Variants in RGS6 observed in about 807,000 individuals in gnomAD.
The protein encoded by RGS6 is regulator of G protein signaling 6.
RGS6 carries 30 observed loss-of-function variants against 78.5 expected under a neutral mutation model. That is an observed-to-expected ratio of 0.38 (90% CI 0.29 to 0.52). The LOEUF is 0.52. Among genes scored for constraint, RGS6 ranks in the 20% least tolerant of loss-of-function variants. RGS6 has a pLI of 0.85. For synonymous variants in RGS6, 206 were observed against 206.0 expected, an observed-to-expected ratio of 1.00 and a Z score of 0.00; for missense variants, 495 against 609.7, an observed-to-expected ratio of 0.81 and a Z score of 1.98.
At chr14:71,946,703 G>A (rs1595038478) in intron 1 of RGS6, among the ~76,000 whole-genome samples, 2 of 152,212 alleles carry the variant, frequency 1.3e-5, no homozygotes, top group Admixed American at 1.3e-4. Context: ...ATGGGGCCAG[G>A]GGACAGAGAT....
In RGS6 at chr14:72,154,971, C is replaced by T. The variant is rs562635683; in HGVS notation, c.84+190096C>T. On this transcript the variant is annotated intron_variant, in intron 2 of 17. Coordinates refer to ENST00000553525, the MANE Select transcript of RGS6 (RefSeq NM_001204424.2). ...CATTTAGGAGCGGGCGGTAATGAAT[C>T]CCTGAGAGAATTCAGTCCTCCGTAT... Among the ~76,000 whole-genome samples the T allele has an allele frequency of 1.4e-4, 21 of 152,342 alleles. No individual in the cohort carries two copies. In the South Asian group the frequency reaches 3.9e-3, roughly 29 times the overall value.
chr14:72,126,283 C>G (rs1413068133), intron 2 of RGS6, among the ~76,000 whole-genome samples: 1 of 152,216 alleles, frequency 6.6e-6, no homozygotes, highest in Non-Finnish European at 1.5e-5. Flanking sequence ...ATTGGCCAAC[C>G]AGCTAGCAGG....
the RGS6 span, among the ~76,000 whole-genome samples, chr14:72,628,631 G>A: frequency 6.6e-6 from 1 of 151,820 alleles, no homozygotes; most frequent in African/African-American, 2.4e-5. Context: ...AAGTAGTCTT[G>A]CCAAAAGAGA....
rs1460336975 is a variant in RGS6, at chr14:72,454,668, A to G, written c.235+90A>G. 8 of 955,222 alleles carry G rather than the reference A, an allele frequency of 8.4e-6. No individual in the cohort carries two copies. The East Asian group carries it at 1.5e-4, about 18-fold the overall frequency. 59.2% of individuals were successfully genotyped at this position (955,222 alleles called of 1,614,324 possible). ...CAAACTAGATTCCCCTGCCCTCCTGAGAACTGGTCTTGTAAATGTGAATTC... is the reference window on the plus strand; with the variant it reads ...CAAACTAGATTCCCCTGCCCTCCTGGGAACTGGTCTTGTAAATGTGAATTC... On this transcript the variant is annotated intron_variant, in intron 4 of 17. Coordinates refer to ENST00000553525, the MANE Select transcript of RGS6 (RefSeq NM_001204424.2).
chr14:71,919,257 G>A, the RGS6 span, among the ~76,000 whole-genome samples: 5 of 152,130 alleles, frequency 3.3e-5, no homozygotes, highest in Admixed American at 6.6e-5. Flanking sequence ...GTAAGTGCCC[G>A]TGGGGGTGAG....
intron 2 of RGS6, among the ~76,000 whole-genome samples, chr14:72,047,495 G>A (rs2092937517): frequency 6.6e-6 from 1 of 152,138 alleles, no homozygotes; most frequent in South Asian, 2.1e-4. Flanking sequence ...TCATCATACA[G>A]ACATACTTTG....
At chr14:72,430,671 G>A (rs1353652028) in intron 3 of RGS6, among the ~76,000 whole-genome samples, 1 of 152,142 alleles carries the variant, frequency 6.6e-6, no homozygotes. Context: ...AGGCTTTTGG[G>A]TTTTGGTTTT....
chr14:71,990,247 G>A (rs931132296), intron 2 of RGS6, among the ~76,000 whole-genome samples: 1 of 152,162 alleles, frequency 6.6e-6, no homozygotes. Context: ...CACCACCACA[G>A]TGGGGAGCAA....
chr14:72,194,621 C>T (rs2039561814), intron 2 of RGS6, among the ~76,000 whole-genome samples: 1 of 152,144 alleles, frequency 6.6e-6, no homozygotes, highest in African/African-American at 2.4e-5. Context: ...CTTGGCCTTC[C>T]AAAGTGCTGG....
chr14:71,884,178 G>A, the RGS6 span, among the ~76,000 whole-genome samples: 4 of 152,000 alleles, frequency 2.6e-5, no homozygotes, highest in Admixed American at 6.6e-5. Flanking sequence ...TCCCAGTGTC[G>A]TTGTGTTGTT....
In RGS6 at chr14:71,932,949, T is replaced by C. The variant is rs2088068518; in HGVS notation, c.-21+8T>C. The C allele has an allele frequency of 6.6e-6, 1 of 152,286 alleles. No homozygotes were observed. 9.4% of individuals were successfully genotyped at this position (152,286 alleles called of 1,614,324 possible). A position where few individuals can be genotyped will look rare whatever the true frequency, so the allele number is the denominator to read the frequency against. On this transcript the variant is annotated splice_region_variant and intron_variant, in intron 1 of 17. Transcript: ENST00000553525. ...AATTCTTTGGTTGCTAAGGTAATTG[T>C]AGTTGTGATAAAAAATGGGCAAGAA... is the stretch of plus-strand genomic sequence containing the variant.
At chr14:72,539,131 TGAAAG>T (rs1398797002) in intron 16 of RGS6, among the ~76,000 whole-genome samples, 4 of 151,776 alleles carry the variant, frequency 2.6e-5, no homozygotes, top group Non-Finnish European at 5.9e-5. Context: ...AAATGTGGGG[TGAAAG>T]GAAAGTCAGG....
At chr14:72,604,577 G>A in the RGS6 span, among the ~76,000 whole-genome samples, 11 of 152,152 alleles carry the variant, frequency 7.2e-5, no homozygotes, top group Admixed American at 3.9e-4. Context: ...CACATGAGAC[G>A]GTGAGTTGTG....
chr14:72,592,249 A>C, the RGS6 span, among the ~76,000 whole-genome samples: 1 of 152,256 alleles, frequency 6.6e-6, no homozygotes, highest in African/African-American at 2.4e-5. Flanking sequence ...CCATTTGGAC[A>C]ACAGGCAGAG....
intron 2 of RGS6, among the ~76,000 whole-genome samples, chr14:72,123,265 T>G (rs961920227): frequency 6.6e-5 from 10 of 152,224 alleles, no homozygotes; most frequent in African/African-American, 2.2e-4. Flanking sequence ...AGTTCCTTTT[T>G]ATTGTAACAT....
chr14:71,908,362 C>T, the RGS6 span: 1 of 152,208 alleles, frequency 6.6e-6, no homozygotes, highest in East Asian at 1.9e-4. Context: ...CGAGAGTTTC[C>T]AATGTGGGAG....
intron 2 of RGS6, among the ~76,000 whole-genome samples, chr14:72,194,550 C>G (rs1264882113): frequency 6.6e-6 from 1 of 152,010 alleles, no homozygotes; most frequent in Non-Finnish European, 1.5e-5. Context: ...TTTGTAGAGA[C>G]AGGGTCTCAC....
chr14:71,958,055 T>G (rs2153025254), intron 1 of RGS6, among the ~76,000 whole-genome samples: 1 of 151,764 alleles, frequency 6.6e-6, no homozygotes, highest in South Asian at 2.1e-4. Flanking sequence ...GATAATTTAA[T>G]TAGTTTAGCC....
intron 7 of RGS6, among the ~76,000 whole-genome samples, chr14:72,468,006 G>T (rs2095968926): frequency 6.6e-6 from 1 of 152,130 alleles, no homozygotes; most frequent in African/African-American, 2.4e-5. Context: ...TTGGAAAAAG[G>T]TCCCATACAG....
Sources: allele counts gnomAD v4.1 joint callset (sites outside exome capture counted in the v4.1 genomes callset), GRCh38; gene constraint gnomAD v4.1.1; transcripts MANE v1.5; gene names NCBI Gene and HGNC (gene_info 2026-07-23, HGNC 2026-07-21).